Variants in ROCK1 observed in about 807,000 individuals in gnomAD.
ROCK1 encodes the protein rho-associated protein kinase 1.
In ROCK1, 36 loss-of-function variants were observed where a neutral mutation model predicts 196.8. The observed-to-expected ratio is 0.18, with a 90% CI of 0.14 to 0.24. The LOEUF (loss-of-function observed/expected upper bound fraction) is 0.24, where lower values mean the gene tolerates loss of function less well. Ranked by LOEUF, ROCK1 falls within the 10% of genes least tolerant of loss-of-function variation. ROCK1 has a pLI of 1.00. For missense variants in ROCK1, 920 were observed against 1,562.0 expected (o/e 0.59, Z 6.93); for synonymous variants, 443 against 515.9 (o/e 0.86, Z 1.91).
intron 21 of ROCK1, among the ~76,000 whole-genome samples, chr18:20,981,448 T>C (rs564912295): frequency 8.5e-5 from 13 of 152,196 alleles, no homozygotes; most frequent in African/African-American, 2.2e-4. Flanking sequence ...TGCTAACATA[T>C]CTATAATATA....
chr18:21,026,376 G>C (rs1344127353), intron 10 of ROCK1, among the ~76,000 whole-genome samples: 1 of 150,406 alleles, frequency 6.6e-6, no homozygotes, highest in African/African-American at 2.5e-5. Context: ...CCCAGGAAGC[G>C]GAGGTTGCAG....
chr18:21,052,512 A>G (rs1480251184), intron 2 of ROCK1, among the ~76,000 whole-genome samples: 1 of 152,132 alleles, frequency 6.6e-6, no homozygotes, highest in Non-Finnish European at 1.5e-5. Flanking sequence ...CAATGCATGC[A>G]CTAGAACAGG....
At position 20,952,650 on chromosome 18, in the gene ROCK1, C is replaced by A. The variant is rs2035200691; in HGVS notation, c.4061+928G>T. ...AAAATTAGCCAGGCGTGGCATGCGT[C>A]TGTAATCCCCGCTACTTGGGAGGCT... On this transcript the variant is annotated intron_variant, in intron 32 of 32. Transcript: ENST00000399799. Among the ~76,000 whole-genome samples the A allele has an allele frequency of 2.0e-5, 3 of 151,582 alleles. No individual in the cohort carries two copies. The South Asian group carries it at 6.3e-4, about 32-fold the overall frequency.
At chr18:21,028,641 T>C in intron 10 of ROCK1, 135 bp downstream of exon 10, 3 of 736,582 alleles carry the variant, frequency 4.1e-6, no homozygotes, top group South Asian at 2.3e-5. Context: ...ATACTGGAAA[T>C]ATCATGCATC....
chr18:20,952,495 C>G (rs1598504279), intron 32 of ROCK1, among the ~76,000 whole-genome samples: 2 of 151,920 alleles, frequency 1.3e-5, no homozygotes, highest in Admixed American at 6.6e-5. Flanking sequence ...AATAGTTAAA[C>G]AGCCAGGCAT....
At chr18:20,984,094 C>T (rs2035556954) in intron 20 of ROCK1, among the ~76,000 whole-genome samples, 1 of 152,124 alleles carries the variant, frequency 6.6e-6, no homozygotes. Context: ...TACAAGGCAC[C>T]GTGATTTTTG....
chr18:21,041,320 A>C (rs1012360597), intron 8 of ROCK1, among the ~76,000 whole-genome samples: 5 of 151,560 alleles, frequency 3.3e-5, no homozygotes, highest in Non-Finnish European at 5.9e-5. Context: ...CCATACTTCA[A>C]GCTCTAAAGG....
chr18:20,986,714 A>G (rs1301935218), intron 19 of ROCK1, among the ~76,000 whole-genome samples: 1 of 152,188 alleles, frequency 6.6e-6, no homozygotes, highest in Non-Finnish European at 1.5e-5. Context: ...ACATTTCAAT[A>G]TAGTTGTACT....
chr18:21,078,067 GC>G (rs1480585454), intron 1 of ROCK1, among the ~76,000 whole-genome samples: 14 of 152,306 alleles, frequency 9.2e-5, no homozygotes, highest in African/African-American at 3.1e-4. Context: ...AGTGGCTCAT[GC>G]CTGTAATCCC....
chr18:21,076,947 G>T (rs1182843327), intron 1 of ROCK1, among the ~76,000 whole-genome samples: 5 of 147,932 alleles, frequency 3.4e-5, no homozygotes, highest in Non-Finnish European at 7.4e-5. Flanking sequence ...CCCCCTGCCA[G>T]AGAAAAGGAC....
intron 2 of ROCK1, among the ~76,000 whole-genome samples, chr18:21,061,432 T>C (rs1286882398): frequency 1.3e-5 from 2 of 152,168 alleles, no homozygotes; most frequent in Non-Finnish European, 2.9e-5. Context: ...GGCTATACAC[T>C]GTATGATTCC....
chr18:21,045,964 G>A (rs1244408438), intron 4 of ROCK1, among the ~76,000 whole-genome samples: 7 of 134,942 alleles, frequency 5.2e-5, no homozygotes, highest in African/African-American at 1.9e-4. Flanking sequence ...AGGCTGGAGT[G>A]CAGTGGCGTG....
intron 13 of ROCK1, among the ~76,000 whole-genome samples, chr18:21,009,758 G>T (rs759139725): frequency 2.0e-5 from 3 of 152,050 alleles, no homozygotes; most frequent in African/African-American, 4.8e-5. Flanking sequence ...CATGGTTATG[G>T]AGTAATATTT....
At chr18:21,055,726 CTT>C (rs776305542) in intron 2 of ROCK1, among the ~76,000 whole-genome samples, 11 of 152,120 alleles carry the variant, frequency 7.2e-5, no homozygotes, top group Non-Finnish European at 1.5e-4. Context: ...AAAAAAAACT[CTT>C]GATCTCATTT....
chr18:21,107,380 G>A (rs1290058485), intron 1 of ROCK1, among the ~76,000 whole-genome samples: 1 of 152,152 alleles, frequency 6.6e-6, no homozygotes. Context: ...TCTAGTAAAG[G>A]AGGTAGAGAA....
At chr18:21,003,461 C>T (rs1288268102) in intron 16 of ROCK1, among the ~76,000 whole-genome samples, 7 of 152,086 alleles carry the variant, frequency 4.6e-5, no homozygotes, top group Non-Finnish European at 1.0e-4. Flanking sequence ...ATATAACTGT[C>T]ACCTATTTTC....
At chr18:21,009,966 ATCTACATGTCTTAATTG>A (rs1480265062) in intron 13 of ROCK1, among the ~76,000 whole-genome samples, 1 of 152,190 alleles carries the variant, frequency 6.6e-6, no homozygotes, top group Non-Finnish European at 1.5e-5. Context: ...AGTCCCTTTC[ATCTACATGTCTTAATTG>A]TGTTTAGAAC....
chr18:21,012,626 C>T (rs565441510), intron 13 of ROCK1, among the ~76,000 whole-genome samples: 46 of 152,202 alleles, frequency 3.0e-4, no homozygotes, highest in African/African-American at 1.1e-3. Context: ...TTTGGGTTTA[C>T]ACTTTTTGTG....
At chr18:21,076,954 G>A (rs2036437219) in intron 1 of ROCK1, among the ~76,000 whole-genome samples, 1 of 144,968 alleles carries the variant, frequency 6.9e-6, no homozygotes, top group South Asian at 2.2e-4. Flanking sequence ...CCAGAGAAAA[G>A]GACAGTCTTT....
Sources: allele counts gnomAD v4.1 joint callset (sites outside exome capture counted in the v4.1 genomes callset), GRCh38; gene constraint gnomAD v4.1.1; transcripts MANE v1.5; gene names NCBI Gene and HGNC (gene_info 2026-07-23, HGNC 2026-07-21).